Variants in TRERF1 observed in about 807,000 individuals in gnomAD.
TRERF1 encodes the protein transcriptional-regulating factor 1.
In TRERF1, 27 loss-of-function variants were observed where a neutral mutation model predicts 122.9. The observed-to-expected ratio is 0.22, with a 90% CI of 0.16 to 0.30. The LOEUF is 0.30. TRERF1 is among the 10% of genes least tolerant of loss of function. The pLI is 1.00. For missense variants in TRERF1, 1,248 were observed against 1,560.3 expected (o/e 0.80, Z 3.37); for synonymous variants, 636 against 641.7 (o/e 0.99, Z 0.13).
At chr6:42,405,349 C>T (rs1250997051) in intron 2 of TRERF1, among the ~76,000 whole-genome samples, 2 of 152,160 alleles carry the variant, frequency 1.3e-5, no homozygotes, top group African/African-American at 4.8e-5. Flanking sequence ...TTTGAATCTC[C>T]TCCTGTGGGA....
intron 2 of TRERF1, among the ~76,000 whole-genome samples, chr6:42,374,962 G>C (rs891908377): frequency 6.9e-6 from 1 of 145,526 alleles, no homozygotes; most frequent in South Asian, 2.1e-4. Context: ...AGTGAGCCAA[G>C]GTTGCACCAC....
chr6:42,374,724 C>T lies in TRERF1; in HGVS notation c.-453-11645G>A, dbSNP rs140982524. On this transcript the variant is annotated intron_variant, in intron 2 of 17. Transcript: ENST00000372922. The stretch of plus-strand genomic sequence containing the variant: ...ACGGCAGTGTTTAAGACATAAGCAC[C>T]TGGCCAGGTGTGGTGGCTCACACCT... Among the ~76,000 whole-genome samples, 983 of 152,008 alleles carry T rather than the reference C, an allele frequency of 6.5e-3. 11 individuals are homozygous for T. The highest frequency in any genetic ancestry group is 0.022 in the African/African-American group (914 of 41,482).
intron 17 of TRERF1, among the ~76,000 whole-genome samples, chr6:42,231,730 A>G (rs1770577292): frequency 6.6e-6 from 1 of 152,186 alleles, no homozygotes; most frequent in Non-Finnish European, 1.5e-5. Context: ...GGAGGGAATC[A>G]CCCATCTTAC....
intron 2 of TRERF1, among the ~76,000 whole-genome samples, chr6:42,376,602 G>A (rs927111569): frequency 6.8e-6 from 1 of 148,028 alleles, no homozygotes; most frequent in Non-Finnish European, 1.5e-5. Flanking sequence ...GAGTACAGTG[G>A]CGTGATCTCA....
At chr6:42,278,505 C>G (rs1271895920) in intron 4 of TRERF1, among the ~76,000 whole-genome samples, 3 of 152,186 alleles carry the variant, frequency 2.0e-5, no homozygotes, top group Non-Finnish European at 2.9e-5. Context: ...GGGAAACTTA[C>G]AACCACACTT....
intron 2 of TRERF1, among the ~76,000 whole-genome samples, chr6:42,390,803 ATTAG>A (rs966599727): frequency 1.3e-5 from 2 of 152,176 alleles, no homozygotes; most frequent in African/African-American, 2.4e-5. Context: ...TCACTTAACC[ATTAG>A]TTAGTACCAA....
chr6:42,357,809 C>G (rs1018633312), intron 3 of TRERF1, among the ~76,000 whole-genome samples: 2 of 152,114 alleles, frequency 1.3e-5, no homozygotes, highest in Non-Finnish European at 2.9e-5. Flanking sequence ...GCCAGGCAGA[C>G]GTGTAATGAA....
At chr6:42,280,309 G>A (rs1424189391) in intron 4 of TRERF1, among the ~76,000 whole-genome samples, 1 of 152,206 alleles carries the variant, frequency 6.6e-6, no homozygotes, top group Non-Finnish European at 1.5e-5. Context: ...GACTTCCTGA[G>A]TCGCTCCCTC....
intron 2 of TRERF1, among the ~76,000 whole-genome samples, chr6:42,445,556 GTCT>G (rs1787357917): frequency 6.6e-6 from 1 of 151,970 alleles, no homozygotes; most frequent in South Asian, 2.1e-4. Context: ...TCCACTTTGA[GTCT>G]AATAGGCACC....
intron 2 of TRERF1, among the ~76,000 whole-genome samples, chr6:42,405,818 TA>T (rs1273918885): frequency 1.4e-5 from 2 of 147,018 alleles, no homozygotes; most frequent in East Asian, 2.0e-4. Flanking sequence ...TTAAAAAAAT[TA>T]AAAAAAATAA....
intron 3 of TRERF1, among the ~76,000 whole-genome samples, chr6:42,337,169 C>T (rs1402712204): frequency 6.6e-6 from 1 of 152,168 alleles, no homozygotes; most frequent in African/African-American, 2.4e-5. Flanking sequence ...GCCCAAGACC[C>T]AGCAGGGAGG....
In TRERF1 at chr6:42,269,544, C is replaced by T. The variant is rs760669495; in HGVS notation, c.47G>A (p.Ser16Asn). ...TGGCTGTTGGTAGAAAAGGTTCTCA[C>T]TACCATGGGCCACATGGTTGGTCTT... Residue 16 changes from serine (S) to asparagine (N), a missense_variant, in exon 5 of 18, where the codon AGT (serine) becomes AAT (asparagine). This residue lies in a region of TRERF1 where 946 missense variants were observed against 1,073.0 expected (regional missense o/e 0.88). Coordinates refer to ENST00000372922, the Ensembl canonical transcript of TRERF1. This position sits in a 1 kb window ranked among gnomAD's most constrained non-coding sequence, Gnocchi z 4.9. 1.2e-5 allele frequency: 19 copies of T among 1,614,236 alleles called. No individual in the cohort carries two copies. Among genetic ancestry groups the T allele is most frequent in the Non-Finnish European group, 1.5e-5 (18 of 1,180,040 alleles).
At chr6:42,279,514 C>T (rs78752479) in intron 4 of TRERF1, among the ~76,000 whole-genome samples, 2,002 of 152,272 alleles carry the variant, frequency 0.013, 18 homozygotes, top group South Asian at 0.029. Flanking sequence ...CTTGGCCCCA[C>T]CTACAGCCTC....
chr6:42,442,201 A>T (rs1786647291), intron 2 of TRERF1, among the ~76,000 whole-genome samples: 1 of 152,026 alleles, frequency 6.6e-6, no homozygotes, highest in African/African-American at 2.4e-5. Context: ...ATGACAACAG[A>T]GGGAACTCAA....
chr6:42,432,879 A>G (rs1382639540), intron 2 of TRERF1, among the ~76,000 whole-genome samples: 1 of 151,912 alleles, frequency 6.6e-6, no homozygotes, highest in African/African-American at 2.4e-5. Flanking sequence ...AAAGAATTAA[A>G]GAATGTTTAA....
intron 2 of TRERF1, among the ~76,000 whole-genome samples, chr6:42,421,498 G>C (rs1336798763): frequency 6.6e-6 from 1 of 152,056 alleles, no homozygotes; most frequent in South Asian, 2.1e-4. Flanking sequence ...TCTTGGCTGG[G>C]CACAGTGGCT....
At chr6:42,235,937 G>T (rs572302609) in intron 16 of TRERF1, among the ~76,000 whole-genome samples, 1 of 152,162 alleles carries the variant, frequency 6.6e-6, no homozygotes, top group Non-Finnish European at 1.5e-5. Context: ...TGGAGGCCAC[G>T]CTCACTGCAG....
At chr6:42,423,442 T>A (rs962495325) in intron 2 of TRERF1, among the ~76,000 whole-genome samples, 1 of 152,042 alleles carries the variant, frequency 6.6e-6, no homozygotes, top group Non-Finnish European at 1.5e-5. Flanking sequence ...GAAGGCCCCA[T>A]CACCCAGCCA....
intron 16 of TRERF1, among the ~76,000 whole-genome samples, chr6:42,235,661 G>T (rs1463255262): frequency 5.9e-5 from 9 of 152,102 alleles, no homozygotes. Flanking sequence ...AGAGTACAAA[G>T]ATAAACTTTA....
Sources: allele counts gnomAD v4.1 joint callset (sites outside exome capture counted in the v4.1 genomes callset), GRCh38; gene constraint gnomAD v4.1.1; regional missense constraint gnomAD v4.1.1; non-coding constraint Gnocchi (gnomAD v3.1); transcripts MANE v1.5; gene names NCBI Gene and HGNC (gene_info 2026-07-23, HGNC 2026-07-21).